Variants in ITGB3 observed in about 807,000 individuals in gnomAD.
The protein encoded by ITGB3 is integrin subunit beta 3, also known as integrin beta-3.
A neutral mutation model predicts 85.8 loss-of-function variants in ITGB3; 48 were observed. The ratio of observed to expected loss-of-function variants is 0.56; its 90% confidence interval spans 0.44 to 0.71. The LOEUF is 0.71. Among genes scored for constraint, ITGB3 ranks in the 30% least tolerant of loss-of-function variants. The pLI, the probability that ITGB3 is intolerant of heterozygous loss-of-function variation, is 0.00. For synonymous variants in ITGB3, 363 were observed against 395.6 expected, an observed-to-expected ratio of 0.92 and a Z score of 0.98; for missense variants, 861 against 1,019.1, an observed-to-expected ratio of 0.84 and a Z score of 2.11.
chr17:47,305,343 T>C (rs922444524), intron 13 of ITGB3, among the ~76,000 whole-genome samples: 1 of 152,156 alleles, frequency 6.6e-6, no homozygotes, highest in Non-Finnish European at 1.5e-5. Flanking sequence ...GCTTGAGTTA[T>C]GGTGGTGGTT....
chr17:47,278,393 C>T (rs2065070996), intron 2 of ITGB3, among the ~76,000 whole-genome samples: 1 of 152,070 alleles, frequency 6.6e-6, no homozygotes, highest in Non-Finnish European at 1.5e-5. Flanking sequence ...CCAGCCTGAC[C>T]AACATGGCAA....
chr17:47,262,896 A>T (rs2065013292), intron 1 of ITGB3, among the ~76,000 whole-genome samples: 1 of 152,200 alleles, frequency 6.6e-6, no homozygotes, highest in African/African-American at 2.4e-5. Context: ...GTGTTATGTC[A>T]TTTAATCCTA....
chr17:47,279,733 G>C (rs1437247880), intron 2 of ITGB3: 1 of 152,182 alleles, frequency 6.6e-6, no homozygotes, highest in Non-Finnish European at 1.5e-5. Flanking sequence ...CAGTTTGCTG[G>C]GCTCCGGTCC....
chr17:47,269,061 G>A (rs2065035357), intron 1 of ITGB3, among the ~76,000 whole-genome samples: 1 of 152,206 alleles, frequency 6.6e-6, no homozygotes, highest in Non-Finnish European at 1.5e-5. Flanking sequence ...CATGGCCTGA[G>A]CTCTATGTTG....
chr17:47,293,680 C>G lies in ITGB3; in HGVS notation c.1690+1112C>G, dbSNP rs560204839. ...CTGGAGTGCAGTGGTGCGATATTGG[C>G]TCACTGCAACCTCTGCCTCCCAGTT... On this transcript the variant is annotated intron_variant, in intron 10 of 14. Transcript: ENST00000559488. Among the ~76,000 whole-genome samples, 125 of 151,928 alleles carry G rather than the reference C, an allele frequency of 8.2e-4. 3 individuals are homozygous for G. The highest frequency in any genetic ancestry group is 2.2e-4 in the Non-Finnish European group (15 of 67,990).
chr17:47,284,162 A>G (rs561954923), intron 3 of ITGB3, among the ~76,000 whole-genome samples: 5 of 152,318 alleles, frequency 3.3e-5, no homozygotes, highest in African/African-American at 1.2e-4. Context: ...GTAACTATCA[A>G]AATCTCTGTG....
In ITGB3 at chr17:47,292,149, G is replaced by A. The variant is rs550153970; in HGVS notation, c.1271G>A (p.Ser424Asn). ...GLKIGDTVSF[S>N]IEAKVRGCPQ... ...TTTCTTTCCATCCAGGTGAGCTTCA[G>A]CATTGAGGCCAAGGTGCGAGGCTGT... The change falls in exon 10 of 15, where the codon AGC becomes AAC. Residue 424 changes from serine (S) to asparagine (N), a missense_variant. Coordinates refer to ENST00000559488, the MANE Select transcript of ITGB3 (RefSeq NM_000212.3). 1.2e-6 allele frequency: 2 copies of A among 1,614,084 alleles called. No individual in the cohort carries two copies. The highest frequency in any genetic ancestry group is 2.2e-5 in the East Asian group (1 of 44,902).
chr17:47,256,321 C>T (rs533383124), intron 1 of ITGB3, among the ~76,000 whole-genome samples: 24 of 152,134 alleles, frequency 1.6e-4, no homozygotes, highest in African/African-American at 5.3e-4. Flanking sequence ...AAAAAAAAAT[C>T]CTTAGGCGAT....
At chr17:47,259,825 G>A (rs1332547607) in intron 1 of ITGB3, among the ~76,000 whole-genome samples, 1 of 152,166 alleles carries the variant, frequency 6.6e-6, no homozygotes, top group African/African-American at 2.4e-5. Flanking sequence ...CTTGAACCCA[G>A]GAGGCAGAGG....
In ITGB3 at chr17:47,258,559, G is replaced by A. The variant is rs192063484; in HGVS notation, c.79+4619G>A. On this transcript the variant is annotated intron_variant, in intron 1 of 14. Transcript: ENST00000559488. ...GTCAAGTAACCATTGCCATCATCAA[G>A]ATACAGAATTTTTCCATCATCCCCT... Among the ~76,000 whole-genome samples the A allele has an allele frequency of 2.6e-5, 4 of 151,778 alleles. No individual in the cohort carries two copies. The East Asian group carries it at 7.7e-4, about 29-fold the overall frequency.
chr17:47,291,214 G>A (rs914989619), intron 9 of ITGB3, 126 bp downstream of exon 9: 19 of 1,108,780 alleles, frequency 1.7e-5, no homozygotes, highest in African/African-American at 3.1e-5. Context: ...AGAAAAATAC[G>A]TTTCCTGAAA....
chr17:47,270,513 C>T (rs966745111), intron 1 of ITGB3, among the ~76,000 whole-genome samples: 3 of 152,180 alleles, frequency 2.0e-5, no homozygotes, highest in Non-Finnish European at 4.4e-5. Context: ...TTGCATTGTT[C>T]GTTGTGAACA....
At chr17:47,267,177 G>A (rs1023183794) in intron 1 of ITGB3, among the ~76,000 whole-genome samples, 1 of 152,198 alleles carries the variant, frequency 6.6e-6, no homozygotes, top group Non-Finnish European at 1.5e-5. Flanking sequence ...GTTTTACAGG[G>A]TTTGGTTTAT....
At chr17:47,289,086 A>G (rs1408056087) in intron 6 of ITGB3, among the ~76,000 whole-genome samples, 1 of 152,174 alleles carries the variant, frequency 6.6e-6, no homozygotes, top group Non-Finnish European at 1.5e-5. Flanking sequence ...TTTGGAAAGA[A>G]AGACTGAGAC....
At chr17:47,268,499 A>C (rs565920095) in intron 1 of ITGB3, among the ~76,000 whole-genome samples, 47 of 152,344 alleles carry the variant, frequency 3.1e-4, no homozygotes, top group African/African-American at 1.0e-3. Flanking sequence ...GAAATTGGCC[A>C]AAACAAACAG....
chr17:47,308,880 T>C (rs2143154590), intron 14 of ITGB3, among the ~76,000 whole-genome samples: 1 of 152,230 alleles, frequency 6.6e-6, no homozygotes, highest in South Asian at 2.1e-4. Context: ...GTGAGGGTCT[T>C]ACTTTTTCCT....
Position 47,286,387 on chromosome 17 carries a change from G to A in ITGB3, c.742G>A (p.Gly248Ser). The A allele has an allele frequency of 6.2e-7, 1 of 1,614,206 alleles. No homozygotes were observed. The change falls in exon 5 of 15, where the codon GGC (glycine) becomes AGC (serine). Residue 248 changes from glycine (G) to serine (S), a missense_variant. Coordinates refer to ENST00000559488, the MANE Select transcript of ITGB3 (RefSeq NM_000212.3). ...ACGGAACCGAGATGCCCCAGAGGGT[G>A]GCTTTGATGCCATCATGCAGGCTAC... ...VSRNRDAPEG[G>S]FDAIMQATVC...
At chr17:47,258,445 T>G (rs545341621) in intron 1 of ITGB3, among the ~76,000 whole-genome samples, 45 of 152,316 alleles carry the variant, frequency 3.0e-4, no homozygotes, top group African/African-American at 8.2e-4. Flanking sequence ...TTTTTTTTTT[T>G]TTGTTAGATA....
intron 13 of ITGB3, among the ~76,000 whole-genome samples, chr17:47,304,047 GCTA>G (rs1318288637): frequency 2.0e-5 from 3 of 151,918 alleles, no homozygotes; most frequent in Non-Finnish European, 4.4e-5. Context: ...ACCACACCTG[GCTA>G]CTTTTTAATT....
Sources: gnomAD v4.1 joint callset for allele counts (sites outside exome capture counted in the v4.1 genomes callset) on GRCh38, gnomAD v4.1.1 for gene constraint, MANE v1.5 for transcripts, NCBI Gene and HGNC (gene_info 2026-07-23, HGNC 2026-07-21) for gene names.